The following SPAG16 variants were observed in gnomAD, a reference collection of about 807,000 sequenced individuals.
SPAG16 encodes sperm associated antigen 16.
SPAG16 carries 86 observed loss-of-function variants against 80.4 expected under a neutral mutation model. The ratio of observed to expected loss-of-function variants is 1.07; its 90% CI spans 0.90 to 1.28. The LOEUF (loss-of-function observed/expected upper bound fraction) is 1.28. SPAG16 is among the 50% of genes most tolerant of loss of function. The pLI, the probability that SPAG16 is intolerant of heterozygous loss-of-function variation, is 0.00. For missense variants in SPAG16, 870 were observed against 765.3 expected, an observed-to-expected ratio of 1.14 and a Z score of -1.61; for synonymous variants, 294 against 265.9, an observed-to-expected ratio of 1.11 and a Z score of -1.03.
At chr2:213,451,756 G>C (rs972623452) in intron 9 of SPAG16, among the ~76,000 whole-genome samples, 5 of 152,166 alleles carry the variant, frequency 3.3e-5, no homozygotes, top group Non-Finnish European at 7.3e-5. Context: ...TTAGGACCGG[G>C]TGTGCCGTAT....
intron 15 of SPAG16, among the ~76,000 whole-genome samples, chr2:214,340,835 T>C (rs1471585346): frequency 6.6e-6 from 1 of 152,092 alleles, no homozygotes; most frequent in Non-Finnish European, 1.5e-5. Flanking sequence ...TGGGTTTTCA[T>C]CTCCACTCAG....
At chr2:213,343,856 A>G (rs112101342) in intron 6 of SPAG16, among the ~76,000 whole-genome samples, 40 of 152,282 alleles carry the variant, frequency 2.6e-4, no homozygotes, top group Middle Eastern at 3.4e-3. Flanking sequence ...CTGAAAAAAC[A>G]TAAATAGAAC....
At chr2:213,646,278 T>G (rs1356936384) in intron 10 of SPAG16, among the ~76,000 whole-genome samples, 2 of 152,210 alleles carry the variant, frequency 1.3e-5, no homozygotes, top group African/African-American at 4.8e-5. Flanking sequence ...GTTAACTTGG[T>G]GTCCTTATGG....
At position 213,979,621 on chromosome 2, in the gene SPAG16, A is replaced by T. The variant is rs567032753; in HGVS notation, c.1401-34330A>T. 6.6e-5 allele frequency among the ~76,000 whole-genome samples: 10 copies of T among 152,122 alleles called. 1 individual carries two copies. Among genetic ancestry groups the T allele is most frequent in the Admixed American group, 5.9e-4 (9 of 15,266 alleles). On this transcript the variant is annotated intron_variant, in intron 12 of 15. Transcript: ENST00000331683. ...GAAAACTCACTATCATGAGAACAGC[A>T]TGGGGGAAACCGCCTCCCTGATCCA...
Position 214,164,646 on chromosome 2 carries a change from T to A in SPAG16, c.1720+15380T>A, listed in dbSNP as rs1259641220. 3.9e-5 allele frequency among the ~76,000 whole-genome samples: 6 copies of A among 152,266 alleles called. No individual in the cohort carries two copies. The East Asian group carries it at 1.2e-3, about 29-fold the overall frequency. ...AAGTTAGCTCAATTTTTTAAATGCA[T>A]GTACATTTGATGGGGTATAGGTAAA... On this transcript the variant is annotated intron_variant, in intron 15 of 15. Transcript: ENST00000331683.
chr2:213,549,473 A>G (rs2076720075), intron 10 of SPAG16, among the ~76,000 whole-genome samples: 1 of 151,978 alleles, frequency 6.6e-6, no homozygotes, highest in Non-Finnish European at 1.5e-5. Context: ...TCTGTTTCTT[A>G]CTTCTCACTC....
At chr2:213,802,877 A>C (rs2071508214) in intron 10 of SPAG16, among the ~76,000 whole-genome samples, 1 of 152,154 alleles carries the variant, frequency 6.6e-6, no homozygotes, top group African/African-American at 2.4e-5. Context: ...AAATTGCAAA[A>C]TAGAAGAAAA....
chr2:213,898,520 T>G (rs536833269), intron 11 of SPAG16, among the ~76,000 whole-genome samples: 1 of 152,268 alleles, frequency 6.6e-6, no homozygotes, highest in African/African-American at 2.4e-5. Flanking sequence ...GGGTCATGAC[T>G]GTTGCTCCCC....
At chr2:214,288,869 C>T (rs1393640052) in intron 15 of SPAG16, among the ~76,000 whole-genome samples, 13 of 151,932 alleles carry the variant, frequency 8.6e-5, no homozygotes, top group Non-Finnish European at 4.4e-5. Context: ...CCCCGGTTCA[C>T]GCCATTCTTC....
At chr2:213,682,290 G>A (rs2064431135) in intron 10 of SPAG16, among the ~76,000 whole-genome samples, 1 of 152,152 alleles carries the variant, frequency 6.6e-6, no homozygotes, top group Admixed American at 6.5e-5. Flanking sequence ...TGCATTTGTT[G>A]TTTTCCAAAC....
chr2:213,459,541 T>G (rs890761005), intron 9 of SPAG16, among the ~76,000 whole-genome samples: 4 of 152,342 alleles, frequency 2.6e-5, no homozygotes, highest in Admixed American at 6.5e-5. Context: ...TCTTATTCCT[T>G]GTATGTAGCC....
intron 15 of SPAG16, among the ~76,000 whole-genome samples, chr2:214,264,693 T>C (rs1197015380): frequency 6.6e-6 from 1 of 152,154 alleles, no homozygotes; most frequent in Non-Finnish European, 1.5e-5. Context: ...TTTTAACAAA[T>C]GTATAACATC....
chr2:213,906,606 T>A (rs1593692), intron 11 of SPAG16, among the ~76,000 whole-genome samples: 52,078 of 152,046 alleles, frequency 0.34, 9,383 homozygotes, highest in South Asian at 0.47. Flanking sequence ...ACTACCTGAC[T>A]GCAAAATATA....
intron 15 of SPAG16, among the ~76,000 whole-genome samples, chr2:214,222,285 T>C (rs1383592571): frequency 6.6e-6 from 1 of 151,924 alleles, no homozygotes; most frequent in African/African-American, 2.4e-5. Flanking sequence ...CCTGGCTAAT[T>C]TGTGTATTTT....
In SPAG16 at chr2:213,929,958, A is replaced by C. The variant is rs757100359; in HGVS notation, c.1215-2A>C. On this transcript the variant is annotated splice_acceptor_variant, in intron 11 of 15. Coordinates refer to ENST00000331683, the MANE Select transcript of SPAG16 (RefSeq NM_024532.5). LOFTEE classifies it high-confidence loss of function. The stretch of plus-strand genomic sequence containing the variant: ...GCTGTCTTTTTATGTTTTTGCAAAT[A>C]GTGGCGACAAATTGGCTACTTCAAG... 6.2e-7 allele frequency: 1 copy of C among 1,600,900 alleles called. No homozygotes were observed. The highest frequency in any genetic ancestry group is 8.5e-7 in the Non-Finnish European group (1 of 1,174,350).
chr2:213,567,242 T>TTTA (rs1553568105), intron 10 of SPAG16, among the ~76,000 whole-genome samples: 107 of 150,940 alleles, frequency 7.1e-4, no homozygotes, highest in African/African-American at 2.4e-3. Context: ...TTTTTTTTTT[T>TTTA]TTATTATACT....
intron 10 of SPAG16, among the ~76,000 whole-genome samples, chr2:213,593,028 ATTC>A (rs1422955923): frequency 4.6e-5 from 7 of 151,812 alleles, no homozygotes; most frequent in African/African-American, 1.7e-4. Flanking sequence ...AAATTTCTAT[ATTC>A]TTGCTTTTAT....
At chr2:213,311,027 CT>C (rs1209364415) in intron 4 of SPAG16, among the ~76,000 whole-genome samples, 2 of 151,266 alleles carry the variant, frequency 1.3e-5, no homozygotes, top group Non-Finnish European at 3.0e-5. Flanking sequence ...TTATTTTTTG[CT>C]TTTTTTGGTT....
chr2:214,020,248 TCTA>T (rs1303825865), intron 13 of SPAG16, among the ~76,000 whole-genome samples: 1 of 152,176 alleles, frequency 6.6e-6, no homozygotes, highest in Admixed American at 6.6e-5. Flanking sequence ...CCTCTATTAA[TCTA>T]CTTAGTCCCT....
Sources: gnomAD v4.1 joint callset for allele counts (sites outside exome capture counted in the v4.1 genomes callset) on GRCh38, gnomAD v4.1.1 for gene constraint, MANE v1.5 for transcripts, NCBI Gene and HGNC (gene_info 2026-07-23, HGNC 2026-07-21) for gene names.